Variants in WDR17 observed in about 807,000 individuals in gnomAD.
WDR17 encodes the protein WD repeat domain 17.
Under a neutral mutation model 161.7 loss-of-function variants are expected in WDR17, and 143 were observed. That is an observed-to-expected ratio of 0.88 (90% CI 0.77 to 1.02). The LOEUF (loss-of-function observed/expected upper bound fraction) is 1.02, where lower values mean the gene tolerates loss of function less well. Ranked by LOEUF, WDR17 falls within the 50% of genes least tolerant of loss-of-function variation. WDR17 has a pLI of 0.00. For missense variants in WDR17, 1,469 were observed against 1,520.9 expected, an observed-to-expected ratio of 0.97 and a Z score of 0.57; for synonymous variants, 517 against 515.6, an observed-to-expected ratio of 1.00 and a Z score of -0.04.
intron 1 of WDR17, among the ~76,000 whole-genome samples, chr4:176,089,441 G>A (rs73874920): frequency 0.042 from 6,455 of 152,140 alleles, 434 homozygotes; most frequent in African/African-American, 0.15. Context: ...TTGATCCCCA[G>A]TTTATCAGAG....
At position 176,082,323 on chromosome 4, in the gene WDR17, C is replaced by T. The variant is rs184125076; in HGVS notation, c.-7+16244C>T. Among the ~76,000 whole-genome samples the T allele has an allele frequency of 4.0e-3, 610 of 151,890 alleles. 5 individuals carry two copies. Among genetic ancestry groups the T allele is most frequent in the African/African-American group, 0.013 (554 of 41,434 alleles). Reference sequence around the variant, plus strand: ...CTGAATTTTAATAACCATGTATACTCGGGGTGATGAAACATGGTAATTATA... The same window carrying T: ...CTGAATTTTAATAACCATGTATACTTGGGGTGATGAAACATGGTAATTATA... On this transcript the variant is annotated intron_variant, in intron 1 of 28. Coordinates refer to ENST00000508596, the MANE Select transcript of WDR17 (RefSeq NM_181265.4).
chr4:176,140,134 A>C (rs1745023088), intron 10 of WDR17, among the ~76,000 whole-genome samples, 160 bp downstream of exon 10: 1 of 152,086 alleles, frequency 6.6e-6, no homozygotes, highest in Non-Finnish European at 1.5e-5. Flanking sequence ...TATTGCTATG[A>C]TGTATCATTA....
chr4:176,163,695 A>G (rs544601094), intron 22 of WDR17, among the ~76,000 whole-genome samples: 1 of 152,320 alleles, frequency 6.6e-6, no homozygotes, highest in South Asian at 2.1e-4. Flanking sequence ...TAAAGCAACA[A>G]CAAAAAATGG....
chr4:176,090,629 C>T (rs1736002348), intron 1 of WDR17, among the ~76,000 whole-genome samples: 1 of 152,070 alleles, frequency 6.6e-6, no homozygotes, highest in Non-Finnish European at 1.5e-5. Flanking sequence ...ACTGAAAGGA[C>T]ATCATTATCA....
At chr4:176,072,160 C>T (rs1397757758) in intron 1 of WDR17, among the ~76,000 whole-genome samples, 1 of 152,190 alleles carries the variant, frequency 6.6e-6, no homozygotes, top group African/African-American at 2.4e-5. Context: ...TTAGATAACA[C>T]TGCCTGCCAA....
intron 1 of WDR17, among the ~76,000 whole-genome samples, chr4:176,092,344 A>G (rs1049522027): frequency 2.0e-5 from 3 of 152,188 alleles, no homozygotes; most frequent in Non-Finnish European, 2.9e-5. Context: ...GACAAAAACC[A>G]TATGATCATT....
In WDR17 at chr4:176,172,396, G is replaced by A; in HGVS notation, c.3124G>A (p.Glu1042Lys). The change falls in exon 24 of 29, where the codon GAA becomes AAA. Residue 1042 changes from glutamate to lysine, a missense_variant. Transcript: ENST00000508596. ...CTAGTGTAAGCTACCCACAGTGGAA[G>A]AATGTATGCAGTTAGCTGAGACAGC... Reference protein sequence around the residue: ...HDKCKLPTVEECMQLAETARA... With the variant: ...HDKCKLPTVEKCMQLAETARA... The A allele has an allele frequency of 6.2e-7, 1 of 1,608,068 alleles. No individual in the cohort carries two copies. The highest frequency in any genetic ancestry group is 1.3e-5 in the African/African-American group (1 of 74,714).
At chr4:176,157,675 T>A (rs921930059) in intron 18 of WDR17, among the ~76,000 whole-genome samples, 4 of 152,204 alleles carry the variant, frequency 2.6e-5, no homozygotes, top group African/African-American at 9.7e-5. Context: ...CAAAGTGGAG[T>A]CACTCCGTGT....
intron 1 of WDR17, among the ~76,000 whole-genome samples, chr4:176,094,939 T>C (rs1736628884): frequency 6.6e-6 from 1 of 152,122 alleles, no homozygotes; most frequent in Non-Finnish European, 1.5e-5. Flanking sequence ...TATGTTAATA[T>C]TGAGATTATC....
chr4:176,074,810 C>CTTTTTTTTTTTTTTT (rs386357678), intron 1 of WDR17, among the ~76,000 whole-genome samples: 15 of 79,180 alleles, frequency 1.9e-4, no homozygotes, highest in South Asian at 5.7e-4. Context: ...TTTTTTAATG[C>CTTTTTTTTTTTTTTT]TTTTTTTTTT....
chr4:176,164,922 G>A (rs550941120), intron 22 of WDR17, among the ~76,000 whole-genome samples: 2 of 152,106 alleles, frequency 1.3e-5, no homozygotes, highest in African/African-American at 4.8e-5. Context: ...ACTTGCCTTC[G>A]TCTCAAAGCA....
At chr4:176,113,794 A>G (rs1740163841) in intron 2 of WDR17, among the ~76,000 whole-genome samples, 1 of 151,966 alleles carries the variant, frequency 6.6e-6, no homozygotes, top group Non-Finnish European at 1.5e-5. Context: ...CTTGTATTAT[A>G]TTTTTCTGAA....
In WDR17 at chr4:176,135,114, G is replaced by A. The variant is rs1561156787; in HGVS notation, c.1105G>A (p.Val369Met). The part of the protein sequence containing the change: ...KWDFLRDLGH[V>M]ETIFDCKFKP... ...TTTTATGCCATATTCCTAGGGACAT[G>A]TGGAAACTATCTTTGACTGCAAATT... The change falls in exon 8 of 29, where the codon GTG becomes ATG. Residue 369 changes from valine to methionine, a missense_variant. Val to Met is a conservative substitution (Grantham distance 21). Transcript: ENST00000508596. 1.9e-6 allele frequency: 3 copies of A among 1,611,688 alleles called. No homozygotes were observed. In the African/African-American group the frequency reaches 4.0e-5, roughly 22 times the overall value.
intron 18 of WDR17, among the ~76,000 whole-genome samples, chr4:176,159,782 GACAA>G (rs1228515408): frequency 6.6e-6 from 1 of 152,076 alleles, no homozygotes; most frequent in African/African-American, 2.4e-5. Flanking sequence ...ATGTTCTAAA[GACAA>G]ACAAGTACCT....
At chr4:176,109,926 C>T (rs528843042) in intron 1 of WDR17, among the ~76,000 whole-genome samples, 13 of 152,190 alleles carry the variant, frequency 8.5e-5, no homozygotes, top group African/African-American at 2.6e-4. Context: ...ATATTAGTCA[C>T]GTAAAACCAA....
chr4:176,147,284 T>C (rs1746340263), intron 12 of WDR17, among the ~76,000 whole-genome samples: 1 of 152,188 alleles, frequency 6.6e-6, no homozygotes, highest in Non-Finnish European at 1.5e-5. Flanking sequence ...TGTTGTCAGT[T>C]TGGCATATAT....
rs1229157990 is a variant in WDR17 at position 176,125,114 on chromosome 4, T to C, written c.549T>C (p.Asn183=). The change falls in exon 5 of 29, where the codon AAT becomes AAC. Residue 183 remains asparagine, a synonymous_variant. Transcript: ENST00000508596. ...TCTGTATTTTAACAGGTAATAAAAA[T>C]CAGAAACATGTTTTGAGACCAGAAT... ...SLSIFHPGNK[N]QKHVLRPESL... is the part of the protein sequence containing the mutation. The C allele has an allele frequency of 1.9e-6, 3 of 1,613,886 alleles. No homozygotes were observed. Among genetic ancestry groups the C allele is most frequent in the Non-Finnish European group, 2.5e-6 (3 of 1,179,908 alleles).
At chr4:176,098,363 A>G (rs1245570615) in intron 1 of WDR17, 3 of 152,098 alleles carry the variant, frequency 2.0e-5, no homozygotes, top group Non-Finnish European at 4.4e-5. Context: ...GAAACATTCT[A>G]AAGTAAGGAT....
At position 176,156,116 on chromosome 4, in the gene WDR17, T is replaced by C; in HGVS notation, c.2498T>C (p.Val833Ala). 1 of 1,613,678 alleles carries C rather than the reference T, an allele frequency of 6.2e-7. No individual in the cohort carries two copies. The highest frequency in any genetic ancestry group is 1.7e-4 in the Middle Eastern group (1 of 6,058). The change falls in exon 18 of 29, where the codon GTG (valine) becomes GCG (alanine). Residue 833 changes from valine to alanine, a missense_variant. Transcript: ENST00000508596. ...KALSIAPGVS[V>A]KYWKKLMQRR... ...CTGTCAATTGCACCAGGAGTCTCTG[T>C]GAAATACTGGAAGAAGTTAATGCAG...
Sources: allele counts gnomAD v4.1 joint callset (sites outside exome capture counted in the v4.1 genomes callset), GRCh38; gene constraint gnomAD v4.1.1; transcripts MANE v1.5; gene names NCBI Gene and HGNC (gene_info 2026-07-23, HGNC 2026-07-21).